The following LPAR3 variants were observed in gnomAD, a reference collection of about 807,000 sequenced individuals.
LPAR3 encodes the protein lysophosphatidic acid receptor 3, also known as LPA receptor 3.
In LPAR3, 7 loss-of-function variants were observed where a neutral mutation model predicts 17.8. That is an observed-to-expected ratio of 0.39 (90% CI 0.22 to 0.74). The LOEUF (loss-of-function observed/expected upper bound fraction) is 0.74. Ranked by LOEUF, LPAR3 falls within the 30% of genes least tolerant of loss-of-function variation. The probability of loss-of-function intolerance (pLI) is 0.40; values close to 1 mark genes in which losing one functional copy is unlikely to be tolerated. For synonymous variants in LPAR3, 179 were observed against 179.9 expected (o/e 0.99, Z 0.04); for missense variants, 391 against 453.4 (o/e 0.86, Z 1.25).
At chr1:84,892,300 T>C (rs1660567722) in intron 1 of LPAR3, among the ~76,000 whole-genome samples, 2 of 152,152 alleles carry the variant, frequency 1.3e-5, no homozygotes, top group South Asian at 4.1e-4. Flanking sequence ...ATTTTAATGA[T>C]TACCTTAATA....
intron 1 of LPAR3, 116 bp from the exon 2 acceptor site, chr1:84,866,254 A>AC: frequency 1.4e-5 from 10 of 740,358 alleles, no homozygotes; most frequent in Non-Finnish European, 2.3e-5. Flanking sequence ...TGAAGACCTG[A>AC]AGTGTCAGGT....
chr1:84,839,849 AC>A (rs1278672819), intron 2 of LPAR3, among the ~76,000 whole-genome samples: 1 of 152,186 alleles, frequency 6.6e-6, no homozygotes, highest in Non-Finnish European at 1.5e-5. Flanking sequence ...TGGTGATAAT[AC>A]ATACTTCATA....
At chr1:84,825,788 A>C (rs889172919) in intron 2 of LPAR3, among the ~76,000 whole-genome samples, 1 of 152,198 alleles carries the variant, frequency 6.6e-6, no homozygotes, top group African/African-American at 2.4e-5. Context: ...CGGGCCTACT[A>C]TCCTGCCTTG....
intron 2 of LPAR3, among the ~76,000 whole-genome samples, chr1:84,857,019 C>T (rs1659842846): frequency 6.6e-6 from 1 of 152,132 alleles, no homozygotes. Context: ...TCAGACTGTC[C>T]TGGGTCTCCA....
chr1:84,848,957 A>G (rs546023236), intron 2 of LPAR3, among the ~76,000 whole-genome samples: 45 of 152,304 alleles, frequency 3.0e-4, no homozygotes, highest in Non-Finnish European at 5.0e-4. Context: ...ACAGAACAGT[A>G]CAATGTCTAG....
chr1:84,831,607 T>G (rs1048762013), intron 2 of LPAR3, among the ~76,000 whole-genome samples: 1 of 151,946 alleles, frequency 6.6e-6, no homozygotes, highest in Non-Finnish European at 1.5e-5. Flanking sequence ...CTCATCTCAT[T>G]TGACTACTTA....
intron 1 of LPAR3, among the ~76,000 whole-genome samples, chr1:84,891,325 G>A (rs946338204): frequency 2.0e-5 from 3 of 152,192 alleles, no homozygotes; most frequent in Admixed American, 1.3e-4. Flanking sequence ...GACAATCAAT[G>A]TAAGTGTTGT....
At chr1:84,860,800 G>T (rs1321545795) in intron 2 of LPAR3, among the ~76,000 whole-genome samples, 2 of 142,654 alleles carry the variant, frequency 1.4e-5, no homozygotes, top group Non-Finnish European at 3.0e-5. Context: ...GTGCGGGGGC[G>T]CCATCTTGGC....
intron 2 of LPAR3, among the ~76,000 whole-genome samples, chr1:84,847,905 C>T (rs1312136666): frequency 6.6e-6 from 1 of 152,220 alleles, no homozygotes; most frequent in African/African-American, 2.4e-5. Context: ...CTGTGGTCCC[C>T]GAATCTCCTG....
chr1:84,824,900 T>C (rs577471268), intron 2 of LPAR3, among the ~76,000 whole-genome samples: 1 of 152,222 alleles, frequency 6.6e-6, no homozygotes, highest in Non-Finnish European at 1.5e-5. Flanking sequence ...TTGTGCCTTA[T>C]TCAACTTAGA....
At chr1:84,862,739 G>C (rs1000548867) in intron 2 of LPAR3, among the ~76,000 whole-genome samples, 2 of 152,270 alleles carry the variant, frequency 1.3e-5, no homozygotes, top group East Asian at 3.9e-4. Context: ...CCTCCACTAT[G>C]AACTGCTACC....
At chr1:84,849,928 A>C (rs1157353862) in intron 2 of LPAR3, among the ~76,000 whole-genome samples, 1 of 152,162 alleles carries the variant, frequency 6.6e-6, no homozygotes, top group Non-Finnish European at 1.5e-5. Context: ...AAGGCCAAGC[A>C]TTCCAGGGCC....
At chr1:84,890,425 G>T (rs1185981317) in intron 1 of LPAR3, among the ~76,000 whole-genome samples, 2 of 152,202 alleles carry the variant, frequency 1.3e-5, no homozygotes, top group Admixed American at 1.3e-4. Context: ...AGTACTTCCT[G>T]TATATGAGAG....
rs183222361 is a variant in LPAR3 at position 84,867,887 on chromosome 1, A to G, written c.-18-1749T>C. 6.2e-4 allele frequency among the ~76,000 whole-genome samples: 94 copies of G among 152,356 alleles called. 1 individual carries two copies. In the East Asian group the frequency reaches 0.017, roughly 27 times the overall value. ...TTTAATAGCTTCACAATATTCTATT[A>G]TATGAATAGGCCACACCTGACTTAA... On this transcript the variant is annotated intron_variant, in intron 1 of 2. Coordinates refer to ENST00000370611, the MANE Select transcript of LPAR3 (RefSeq NM_012152.3).
intron 1 of LPAR3, among the ~76,000 whole-genome samples, chr1:84,888,179 CAG>C (rs1225298118): frequency 7.0e-3 from 172 of 24,704 alleles, no homozygotes; most frequent in Middle Eastern, 0.038. Flanking sequence ...CACACACACA[CAG>C]AGAGAGGCAG....
At chr1:84,867,352 G>A (rs965621273) in intron 1 of LPAR3, among the ~76,000 whole-genome samples, 2 of 152,184 alleles carry the variant, frequency 1.3e-5, no homozygotes, top group Non-Finnish European at 1.5e-5. Context: ...TGAGGCTGCA[G>A]CTTATTCCCT....
At chr1:84,887,206 A>C (rs1660476411) in intron 1 of LPAR3, among the ~76,000 whole-genome samples, 1 of 136,776 alleles carries the variant, frequency 7.3e-6, no homozygotes, top group Non-Finnish European at 1.6e-5. Flanking sequence ...CCATCTCTAC[A>C]AAAAATACAA....
chr1:84,863,060 C>T (rs527838747), intron 2 of LPAR3, among the ~76,000 whole-genome samples: 4 of 151,836 alleles, frequency 2.6e-5, no homozygotes, highest in Non-Finnish European at 5.9e-5. Flanking sequence ...TTCTCTCCTC[C>T]CTTTTTTTTT....
At chr1:84,862,859 G>T (rs1420221082) in intron 2 of LPAR3, among the ~76,000 whole-genome samples, 8 of 152,282 alleles carry the variant, frequency 5.3e-5, no homozygotes, top group African/African-American at 1.7e-4. Context: ...GTGAGAAACG[G>T]CCTCTCTGCC....
Sources: gnomAD v4.1 joint callset for allele counts (sites outside exome capture counted in the v4.1 genomes callset) on GRCh38, gnomAD v4.1.1 for gene constraint, MANE v1.5 for transcripts, NCBI Gene and HGNC (gene_info 2026-07-23, HGNC 2026-07-21) for gene names.